The following FAF1 variants were observed in gnomAD, a reference collection of about 807,000 sequenced individuals.
FAF1 encodes the protein Fas associated factor 1, also known as FAS-associated factor 1.
FAF1 carries 25 observed loss-of-function variants against 92.5 expected under a neutral mutation model. That is an observed-to-expected ratio of 0.27 (90% CI 0.20 to 0.38). FAF1 has a LOEUF of 0.38. FAF1 is among the 10% of genes least tolerant of loss of function. The pLI is 1.00. For missense variants in FAF1, 636 were observed against 793.3 expected (o/e 0.80, Z 2.38); for synonymous variants, 234 against 273.2 (o/e 0.86, Z 1.42).
At chr1:50,843,054 T>C (rs543006744) in intron 2 of FAF1, among the ~76,000 whole-genome samples, 2 of 152,224 alleles carry the variant, frequency 1.3e-5, no homozygotes, top group Non-Finnish European at 2.9e-5. Flanking sequence ...TGGAATTATT[T>C]ACTAGCTTTA....
chr1:50,668,347 T>A (rs914966997), intron 7 of FAF1, among the ~76,000 whole-genome samples: 2 of 152,146 alleles, frequency 1.3e-5, no homozygotes, highest in Admixed American at 6.5e-5. Flanking sequence ...AGTAAGCTCC[T>A]CCAAAGAACA....
intron 2 of FAF1, among the ~76,000 whole-genome samples, chr1:50,811,967 G>T (rs979138251): frequency 1.6e-4 from 25 of 152,164 alleles, no homozygotes; most frequent in African/African-American, 6.0e-4. Context: ...ATGGGGAAAG[G>T]ACTCCCTGTT....
intron 12 of FAF1, among the ~76,000 whole-genome samples, chr1:50,568,880 TG>T (rs1055857097): frequency 6.6e-6 from 1 of 152,154 alleles, no homozygotes; most frequent in African/African-American, 2.4e-5. Context: ...CAGCTTGTAA[TG>T]GGAATAAGGG....
At chr1:50,484,309 G>T (rs1233742674) in intron 17 of FAF1, among the ~76,000 whole-genome samples, 1 of 151,918 alleles carries the variant, frequency 6.6e-6, no homozygotes, top group African/African-American at 2.4e-5. Context: ...GATGATTTTT[G>T]CTTGCTTCTG....
intron 1 of FAF1, among the ~76,000 whole-genome samples, chr1:50,940,924 C>T (rs1461125419): frequency 2.0e-5 from 3 of 152,154 alleles, no homozygotes; most frequent in Admixed American, 1.3e-4. Context: ...CTACACTGTC[C>T]TCTCTTTTTG....
rs1223553828 is a variant in FAF1, at chr1:50,646,172, T to C, written c.744+9270A>G. Among the ~76,000 whole-genome samples the C allele has an allele frequency of 1.5e-4, 23 of 152,170 alleles. 1 individual carries two copies. The highest frequency in any genetic ancestry group is 1.5e-3 in the Admixed American group (23 of 15,278). On this transcript the variant is annotated intron_variant, in intron 8 of 18. Coordinates refer to ENST00000396153, the MANE Select transcript of FAF1 (RefSeq NM_007051.3). The stretch of plus-strand genomic sequence containing the variant: ...AGTAACATCTAAATAATAGTAATGT[T>C]AGGATTCAACAAACTTGGACTGGTT...
chr1:50,685,381 G>C (rs550894115), intron 7 of FAF1, among the ~76,000 whole-genome samples: 53 of 152,196 alleles, frequency 3.5e-4, no homozygotes, highest in Non-Finnish European at 6.3e-4. Context: ...TAAAGAGTCC[G>C]TGTAGCGAGA....
In FAF1 at chr1:50,738,952, C is replaced by G; in HGVS notation, c.462G>C (p.Thr154=). ...TTGGCAAGTGTAGAGATTTTAGGAC[C>G]GTCTGAAAAAGAAAAAACACAGCAA... ...GWKTGDVEDS[T]VLKSLHLPKN... The change falls in exon 6 of 19, where the codon ACG becomes ACC. Residue 154 remains threonine (T), a splice_region_variant and synonymous_variant. Coordinates refer to ENST00000396153, the MANE Select transcript of FAF1 (RefSeq NM_007051.3). 1.3e-6 allele frequency: 2 copies of G among 1,571,282 alleles called. No homozygotes were observed. The highest frequency in any genetic ancestry group is 1.8e-5 in the Admixed American group (1 of 55,530).
chr1:50,774,874 A>G (rs1185989280), intron 4 of FAF1, among the ~76,000 whole-genome samples: 2 of 152,124 alleles, frequency 1.3e-5, no homozygotes, highest in Admixed American at 1.3e-4. Flanking sequence ...AGATAAGAAA[A>G]CAGAATTCAG....
intron 7 of FAF1, among the ~76,000 whole-genome samples, chr1:50,657,247 G>GT (rs1236588603): frequency 2.0e-3 from 298 of 148,472 alleles, no homozygotes; most frequent in Admixed American, 6.1e-3. Context: ...TCTCTTCAGG[G>GT]TTTTTTTTTT....
At chr1:50,697,838 G>A (rs957295490) in intron 7 of FAF1, among the ~76,000 whole-genome samples, 14 of 151,822 alleles carry the variant, frequency 9.2e-5, no homozygotes, top group African/African-American at 3.4e-4. Context: ...GGGTAATAAG[G>A]TACTATACTA....
chr1:50,938,514 C>T (rs1645104827), intron 1 of FAF1, among the ~76,000 whole-genome samples: 1 of 152,198 alleles, frequency 6.6e-6, no homozygotes, highest in South Asian at 2.1e-4. Flanking sequence ...TATTTTCTCC[C>T]ATTCTGTAGG....
intron 8 of FAF1, among the ~76,000 whole-genome samples, chr1:50,633,028 T>C (rs1653859225): frequency 6.6e-6 from 1 of 152,214 alleles, no homozygotes; most frequent in Non-Finnish European, 1.5e-5. Context: ...ATGCTGAGAA[T>C]AGTGAAATTA....
At chr1:50,677,721 C>T (rs2896887) in intron 7 of FAF1, among the ~76,000 whole-genome samples, 34,981 of 151,596 alleles carry the variant, frequency 0.23, 4,449 homozygotes, top group Middle Eastern at 0.44. Context: ...ATGGAGAAAC[C>T]CTGTCTCTAC....
At chr1:50,768,218 T>C (rs982518074) in intron 4 of FAF1, among the ~76,000 whole-genome samples, 1 of 152,256 alleles carries the variant, frequency 6.6e-6, no homozygotes, top group Middle Eastern at 3.4e-3. Context: ...TACATAATGC[T>C]AAAGGGTTCA....
chr1:50,868,664 T>C (rs1286578524), intron 1 of FAF1, among the ~76,000 whole-genome samples: 2 of 152,194 alleles, frequency 1.3e-5, no homozygotes, highest in East Asian at 1.9e-4. Context: ...TTTTGGCCCA[T>C]GTGTTGTATT....
At chr1:50,859,927 AC>A (rs1359661147) in intron 1 of FAF1, among the ~76,000 whole-genome samples, 1 of 151,864 alleles carries the variant, frequency 6.6e-6, no homozygotes, top group Non-Finnish European at 1.5e-5. Context: ...AGAATAGAGA[AC>A]CCAGAAATAA....
chr1:50,489,192 G>A (rs1646800881), intron 17 of FAF1, among the ~76,000 whole-genome samples: 1 of 152,170 alleles, frequency 6.6e-6, no homozygotes. Context: ...CCTCTAAGAT[G>A]TAATATCTTC....
chr1:50,700,746 T>G (rs1657438247), intron 7 of FAF1, among the ~76,000 whole-genome samples: 3 of 152,128 alleles, frequency 2.0e-5, no homozygotes, highest in Admixed American at 6.6e-5. Flanking sequence ...CTAAAGACTG[T>G]TCTTAATTCT....
Sources: allele counts gnomAD v4.1 joint callset (sites outside exome capture counted in the v4.1 genomes callset), GRCh38; gene constraint gnomAD v4.1.1; transcripts MANE v1.5; gene names NCBI Gene and HGNC (gene_info 2026-07-23, HGNC 2026-07-21).